The following ITPKB variants were observed in gnomAD, a reference collection of about 807,000 sequenced individuals.
The protein encoded by ITPKB is IP3 3-kinase B.
ITPKB carries 13 observed loss-of-function variants against 69.4 expected under a neutral mutation model. The ratio of observed to expected loss-of-function variants is 0.19; its 90% CI spans 0.12 to 0.30. ITPKB has a LOEUF of 0.30. ITPKB is among the 10% of genes least tolerant of loss of function. The pLI, the probability that ITPKB is intolerant of heterozygous loss-of-function variation, is 1.00. For synonymous variants in ITPKB, 584 were observed against 513.7 expected (o/e 1.14, Z -1.85); for missense variants, 1,240 against 1,250.5 (o/e 0.99, Z 0.13).
At chr1:226,658,436 G>A (rs1054753886) in intron 2 of ITPKB, among the ~76,000 whole-genome samples, 3 of 152,222 alleles carry the variant, frequency 2.0e-5, no homozygotes, top group African/African-American at 7.2e-5. Context: ...GAGCTGGGAG[G>A]GAAGGAGGGG....
At position 226,641,803 on chromosome 1, in the gene ITPKB, C is replaced by T. The variant is rs952314060; in HGVS notation, c.2451+118G>A. 1 of 955,690 alleles carries T rather than the reference C, an allele frequency of 1.0e-6. No individual in the cohort carries two copies. The highest frequency in any genetic ancestry group is 1.6e-5 in the African/African-American group (1 of 61,406). The allele number at this position is 955,690 out of a possible 1,614,324, so 59.2% of individuals were successfully genotyped here. ...AATGTCTGGCCTTGGGGCGGGCCAC[C>T]CACATTCTGAGCCTGTGCCTGGAGA... On this transcript the variant is annotated intron_variant, in intron 5 of 7. Coordinates refer to ENST00000429204, the MANE Select transcript of ITPKB (RefSeq NM_002221.4). The surrounding 1 kb of genome is among the most constrained non-coding windows in gnomAD (Gnocchi z 4.6).
At chr1:226,702,397 C>T (rs1267882696) in intron 2 of ITPKB, among the ~76,000 whole-genome samples, 1 of 134,532 alleles carries the variant, frequency 7.4e-6, no homozygotes, top group African/African-American at 3.1e-5. Flanking sequence ...GACTCCCTCT[C>T]GGAAAAAAAA....
rs1668962149 is a variant in ITPKB at position 226,641,558 on chromosome 1, G to A, written c.2451+363C>T. On this transcript the variant is annotated intron_variant, in intron 5 of 7. Transcript: ENST00000429204. The surrounding 1 kb of genome is among the most constrained non-coding windows in gnomAD (Gnocchi z 4.6). ...AGCATGCTCCTCCCTTCCCCGAATTGTCTGCCAGTCCCAGTTTGCAGCCAT... is the reference window on the plus strand; with the variant it reads ...AGCATGCTCCTCCCTTCCCCGAATTATCTGCCAGTCCCAGTTTGCAGCCAT... Among the ~76,000 whole-genome samples the A allele has an allele frequency of 6.6e-6, 1 of 152,232 alleles. No homozygotes were observed. Among genetic ancestry groups the A allele is most frequent in the Admixed American group, 6.5e-5 (1 of 15,286 alleles).
intron 2 of ITPKB, among the ~76,000 whole-genome samples, chr1:226,716,003 G>A (rs973083957): frequency 2.0e-5 from 3 of 151,968 alleles, no homozygotes; most frequent in African/African-American, 7.3e-5. Flanking sequence ...TAGAGATGAG[G>A]TTTTGCCAAG....
chr1:226,663,507 CT>C (rs1669439991), intron 2 of ITPKB, among the ~76,000 whole-genome samples: 1 of 151,878 alleles, frequency 6.6e-6, no homozygotes, highest in African/African-American at 2.4e-5. Context: ...ACATTTCTTT[CT>C]TTTCTTTTTT....
intron 2 of ITPKB, among the ~76,000 whole-genome samples, chr1:226,696,269 A>C (rs1656481531): frequency 6.6e-6 from 1 of 152,142 alleles, no homozygotes. Context: ...ATTAAGTGAG[A>C]CTTAATTTGA....
chr1:226,649,681 A>G (rs1160991399), intron 2 of ITPKB, among the ~76,000 whole-genome samples: 1 of 131,192 alleles, frequency 7.6e-6, no homozygotes, highest in Non-Finnish European at 1.5e-5. Context: ...TATTTTCTCA[A>G]TGAGCATGCA....
At chr1:226,665,465 A>G (rs1190841350) in intron 2 of ITPKB, among the ~76,000 whole-genome samples, 1 of 152,260 alleles carries the variant, frequency 6.6e-6, no homozygotes, top group Admixed American at 6.5e-5. Flanking sequence ...TAGGTAGGAA[A>G]ACACGGGACA....
At chr1:226,699,432 C>A (rs1656580338) in intron 2 of ITPKB, among the ~76,000 whole-genome samples, 1 of 152,234 alleles carries the variant, frequency 6.6e-6, no homozygotes. Context: ...CAGGTCTGGG[C>A]TCTGAAGAAC....
At chr1:226,733,045 G>C (rs1657639877) in intron 2 of ITPKB, among the ~76,000 whole-genome samples, 1 of 152,220 alleles carries the variant, frequency 6.6e-6, no homozygotes, top group African/African-American at 2.4e-5. Context: ...GTGTGGGTCT[G>C]AGGGCCAGGG....
At chr1:226,638,179 C>G (rs563062624) in intron 6 of ITPKB, among the ~76,000 whole-genome samples, 1 of 152,190 alleles carries the variant, frequency 6.6e-6, no homozygotes, top group African/African-American at 2.4e-5. Flanking sequence ...CGAGCAGCCC[C>G]CTGGAGTCTT....
intron 2 of ITPKB, among the ~76,000 whole-genome samples, chr1:226,649,546 G>A (rs771044895): frequency 1.7e-4 from 26 of 150,054 alleles, no homozygotes; most frequent in Non-Finnish European, 3.2e-4. Flanking sequence ...GTGTGCATGC[G>A]TGTGTGATAT....
At chr1:226,653,730 C>T (rs1017888321) in intron 2 of ITPKB, among the ~76,000 whole-genome samples, 3 of 152,208 alleles carry the variant, frequency 2.0e-5, no homozygotes, top group South Asian at 4.1e-4. Context: ...TGGAGACACA[C>T]GGCTTTTACT....
rs12097311 is a variant in ITPKB, at chr1:226,736,540, C to A, written c.919G>T (p.Ala307Ser). 3.9e-4 allele frequency: 624 copies of A among 1,614,018 alleles called. 2 individuals are homozygous for A. The East Asian group carries it at 0.01, about 27-fold the overall frequency. ...GGCCCAGTGGATGTAACTCTCGCTG[C>A]CACTTCCGTGGCCATCGTTAAGCTA... is the stretch of plus-strand genomic sequence containing the variant. Reference protein sequence around the residue: ...GASLTMATEVAARVTSTGPHR... With the variant: ...GASLTMATEVSARVTSTGPHR... The change falls in exon 2 of 8, where the codon GCA (alanine) becomes TCA (serine). Residue 307 changes from alanine to serine, a missense_variant. Coordinates refer to ENST00000429204, the MANE Select transcript of ITPKB (RefSeq NM_002221.4).
intron 2 of ITPKB, among the ~76,000 whole-genome samples, chr1:226,722,901 A>C (rs1029981275): frequency 6.6e-6 from 1 of 152,202 alleles, no homozygotes; most frequent in Non-Finnish European, 1.5e-5. Context: ...GAAAAGATGC[A>C]AACCCCCAGG....
intron 2 of ITPKB, among the ~76,000 whole-genome samples, chr1:226,664,600 T>C (rs189429409): frequency 4.0e-4 from 61 of 152,274 alleles, no homozygotes; most frequent in Non-Finnish European, 8.8e-5. Flanking sequence ...GTTAACATCA[T>C]TTCTAGGGAA....
chr1:226,682,395 A>G (rs1220619067), intron 2 of ITPKB, among the ~76,000 whole-genome samples: 1 of 152,216 alleles, frequency 6.6e-6, no homozygotes, highest in Non-Finnish European at 1.5e-5. Context: ...CTGGCAGTGC[A>G]AGGCAAGGTA....
chr1:226,703,895 T>C (rs1656740896), intron 2 of ITPKB, among the ~76,000 whole-genome samples: 1 of 152,264 alleles, frequency 6.6e-6, no homozygotes, highest in Non-Finnish European at 1.5e-5. Flanking sequence ...TCCCAAATCC[T>C]GTCTTTCCTT....
chr1:226,682,172 C>CT (rs1656108009), intron 2 of ITPKB, among the ~76,000 whole-genome samples: 1 of 152,170 alleles, frequency 6.6e-6, no homozygotes, highest in South Asian at 2.1e-4. Context: ...GGTCCCCCCC[C>CT]GCCCCGAGAT....
Sources: allele counts gnomAD v4.1 joint callset (sites outside exome capture counted in the v4.1 genomes callset), GRCh38; gene constraint gnomAD v4.1.1; non-coding constraint Gnocchi (gnomAD v3.1); transcripts MANE v1.5; gene names NCBI Gene and HGNC (gene_info 2026-07-23, HGNC 2026-07-21).